NPAS4: variants seen among roughly 807,000 people sequenced by gnomAD.
The protein encoded by NPAS4 is neuronal PAS domain-containing protein 4.
NPAS4 carries 10 observed loss-of-function variants against 64.0 expected under a neutral mutation model. The ratio of observed to expected loss-of-function variants is 0.16; its 90% CI spans 0.10 to 0.26. The LOEUF (loss-of-function observed/expected upper bound fraction) is 0.26. Ranked by LOEUF, NPAS4 falls within the 10% of genes least tolerant of loss-of-function variation. The probability of loss-of-function intolerance (pLI) is 1.00; values close to 1 mark genes in which losing one functional copy is unlikely to be tolerated. For missense variants in NPAS4, 886 were observed against 992.6 expected (o/e 0.89, Z 1.44); for synonymous variants, 441 against 411.7 (o/e 1.07, Z -0.86).
chr11:66,424,239 C>A lies in NPAS4; in HGVS notation c.1349C>A (p.Thr450Asn). The A allele has an allele frequency of 6.2e-7, 1 of 1,614,140 alleles. No homozygotes were observed. The highest frequency in any genetic ancestry group is 8.5e-7 in the Non-Finnish European group (1 of 1,180,036). ...GAGCCCTTCCAGACCCATTTGCCCA[C>A]CCCATCCAGCACTCTTCAAGAACAG... is the stretch of plus-strand genomic sequence containing the variant. ...LHEPFQTHLP[T>N]PSSTLQEQLT... Residue 450 changes from threonine (T) to asparagine (N), a missense_variant, in exon 7 of 8, where the codon ACC (threonine) becomes AAC (asparagine). By Grantham distance (65) the Thr-to-Asn change is moderately conservative (BLOSUM62 0). Around this residue, in one of 3 missense-constraint regions of NPAS4, gnomAD observed 820 missense variants for 855.5 expected, o/e 0.96. Transcript: ENST00000311034.
At chr11:66,411,297 G>A in the NPAS4 span, among the ~76,000 whole-genome samples, 22 of 152,266 alleles carry the variant, frequency 1.4e-4, no homozygotes, top group South Asian at 4.4e-3. Flanking sequence ...GAGGTTGGGA[G>A]GGCCCTTTGA....
In NPAS4 at chr11:66,425,989, A is replaced by G; in HGVS notation, c.2409A>G (p.Ter803TrpextTer4). 6.2e-7 allele frequency: 1 copy of G among 1,611,226 alleles called. No homozygotes were observed. Among genetic ancestry groups the G allele is most frequent in the South Asian group, 1.1e-5 (1 of 91,008 alleles). ...GAAGTGGAGGGGAACCAACGTTTTGAATAAGTCTGTGACTTAACGTCGTCA... is the reference window on the plus strand; with the variant it reads ...GAAGTGGAGGGGAACCAACGTTTTGGATAAGTCTGTGACTTAACGTCGTCA... ...EDGSGGEPTF[*>W] Residue 803 changes from the stop codon to tryptophan, a stop_lost, in exon 8 of 8, where the codon TGA becomes TGG. Transcript: ENST00000311034.
intron 7 of NPAS4, 110 bp from the exon 8 acceptor site, chr11:66,425,851 T>C: frequency 3.7e-6 from 3 of 819,796 alleles, no homozygotes; most frequent in Admixed American, 1.8e-5. Flanking sequence ...CATTTCATCA[T>C]TGAGCCAATA....
At chr11:66,411,139 G>C in the NPAS4 span, among the ~76,000 whole-genome samples, 4 of 152,318 alleles carry the variant, frequency 2.6e-5, no homozygotes, top group African/African-American at 9.6e-5. Context: ...TGGTCCTCTG[G>C]GAGCCTTCAG....
upstream of NPAS4, among the ~76,000 whole-genome samples, chr11:66,416,569 A>G (rs2134635586): frequency 6.6e-6 from 1 of 152,304 alleles, no homozygotes; most frequent in South Asian, 2.1e-4. Context: ...TAAGTTAAGT[A>G]GTTGCAGCTG....
At position 66,426,643 on chromosome 11, in the gene NPAS4, A is replaced by G. The variant is rs1189208343; in HGVS notation, c.*654A>G. Reference sequence around the variant, plus strand: ...ACTGCCTGGGCCTGCCCAGATGGCCACCTCGTGGTGCTGCGGTGACTTTGT... The same window carrying G: ...ACTGCCTGGGCCTGCCCAGATGGCCGCCTCGTGGTGCTGCGGTGACTTTGT... On this transcript the variant is annotated 3_prime_UTR_variant, in exon 8 of 8. Transcript: ENST00000311034. 6.5e-6 allele frequency: 1 copy of G among 152,864 alleles called. No homozygotes were observed. Among genetic ancestry groups the G allele is most frequent in the Non-Finnish European group, 1.5e-5 (1 of 68,194 alleles). 9.5% of individuals were successfully genotyped at this position (152,864 alleles called of 1,614,324 possible).
chr11:66,414,342 G>A, the NPAS4 span, among the ~76,000 whole-genome samples: 1 of 152,120 alleles, frequency 6.6e-6, no homozygotes, highest in Non-Finnish European at 1.5e-5. Context: ...TTCCCCTCTT[G>A]GAATGTGGCT....
At chr11:66,412,366 C>T in the NPAS4 span, among the ~76,000 whole-genome samples, 1 of 152,186 alleles carries the variant, frequency 6.6e-6, no homozygotes, top group Non-Finnish European at 1.5e-5. Flanking sequence ...ACTTTATGTG[C>T]ATCCCTCCAC....
In NPAS4 at chr11:66,422,883, C is replaced by T. The variant is rs1856769999; in HGVS notation, c.640C>T (p.Leu214=). 2 of 1,611,210 alleles carry T rather than the reference C, an allele frequency of 1.2e-6. No homozygotes were observed. The highest frequency in any genetic ancestry group is 4.5e-5 in the East Asian group (2 of 44,888). ...TGGCCCTGGCCCTGCCTCGCTCTTCCTGGCCATGTTCCAGAGCCGCCATGC... is the reference window on the plus strand; with the variant it reads ...TGGCCCTGGCCCTGCCTCGCTCTTCTTGGCCATGTTCCAGAGCCGCCATGC... ...GPGPGPASLF[L]AMFQSRHAKD... is the part of the protein sequence containing the mutation. The change falls in exon 4 of 8, where the codon CTG becomes TTG. Residue 214 remains leucine, a synonymous_variant. Transcript: ENST00000311034.
upstream of NPAS4, among the ~76,000 whole-genome samples, chr11:66,416,443 G>C (rs1001413325): frequency 4.6e-5 from 7 of 152,230 alleles, no homozygotes; most frequent in African/African-American, 1.7e-4. Context: ...TTGAGAGAGT[G>C]ATATGGCTGC....
Position 66,423,665 on chromosome 11 carries a change from A to C in NPAS4, c.896A>C (p.Tyr299Ser). Residue 299 changes from tyrosine (Y) to serine (S), a missense_variant, in exon 6 of 8, where the codon TAC becomes TCC. Physicochemically the swap from Tyr to Ser is moderately radical, Grantham distance 144 (BLOSUM62 -2). Transcript: ENST00000311034. ...TGGGCATGGATTTACTGCCTGTTAT[A>C]CTCAGAAGGTCCAGAGGGACCCATT... ...GGWAWIYCLLYSEGPEGPITA... is the reference protein window; with the variant it reads ...GGWAWIYCLLSSEGPEGPITA... The C allele has an allele frequency of 6.2e-7, 1 of 1,614,170 alleles. No individual in the cohort carries two copies. The highest frequency in any genetic ancestry group is 8.5e-7 in the Non-Finnish European group (1 of 1,180,016).
In NPAS4 at chr11:66,421,273, G is replaced by T. The variant is rs779492328; in HGVS notation, c.94G>T (p.Ala32Ser). Residue 32 changes from alanine (A) to serine (S), a missense_variant, in exon 1 of 8, where the codon GCG (alanine) becomes TCG (serine). Around this residue, in one of 3 missense-constraint regions of NPAS4, gnomAD observed 38 missense variants for 80.1 expected, o/e 0.47. Coordinates refer to ENST00000311034, the MANE Select transcript of NPAS4 (RefSeq NM_178864.4). ...CAAGGAGCTGCTGCCGCTGGCCGAA[G>T]CGGACAAGGTCCGGCTGTCCTACCT... ...NLKELLPLAE[A>S]DKVRLSYLHI... is the part of the protein sequence containing the mutation. 1 of 1,614,124 alleles carries T rather than the reference G, an allele frequency of 6.2e-7. No homozygotes were observed.
chr11:66,425,721 G>A (rs1377913812), intron 7 of NPAS4, among the ~76,000 whole-genome samples: 1 of 152,144 alleles, frequency 6.6e-6, no homozygotes, highest in African/African-American at 2.4e-5. Flanking sequence ...GAAAGACGAG[G>A]CTCAGCCCCT....
At chr11:66,425,346 A>G (rs1856823277) in intron 7 of NPAS4, 76 bp downstream of exon 7, 5 of 769,164 alleles carry the variant, frequency 6.5e-6, no homozygotes, top group Non-Finnish European at 1.0e-5. Flanking sequence ...AGGCAAATCA[A>G]TTCCCCCTCT....
rs572000189 is a variant in NPAS4, at chr11:66,422,936, C to T, written c.693C>T (p.Ser231=). 183 of 1,604,130 alleles carry T rather than the reference C, an allele frequency of 1.1e-4. 1 individual carries two copies. The South Asian group carries it at 1.8e-3, about 15-fold the overall frequency. The stretch of plus-strand genomic sequence containing the variant: ...AAGACCTGGCTCTACTGGACATCTC[C>T]GAGAGGTAAGCCTGGAGTGTTCAGA... ...HAKDLALLDI[S]ESVLIYLGFE... The change falls in exon 4 of 8, where the codon TCC becomes TCT. Residue 231 remains serine, a synonymous_variant. Transcript: ENST00000311034.
chr11:66,414,471 C>A, the NPAS4 span, among the ~76,000 whole-genome samples: 1 of 152,148 alleles, frequency 6.6e-6, no homozygotes, highest in African/African-American at 2.4e-5. Context: ...TCTCCCACCC[C>A]CTCCATGGTT....
In NPAS4 at chr11:66,423,167, A is replaced by C; in HGVS notation, c.743A>C (p.Lys248Thr). 6.2e-7 allele frequency: 1 copy of C among 1,611,820 alleles called. No homozygotes were observed. The highest frequency in any genetic ancestry group is 8.5e-7 in the Non-Finnish European group (1 of 1,178,876). The change falls in exon 5 of 8, where the codon AAA becomes ACA. Residue 248 changes from lysine (K) to threonine (T), a missense_variant. Transcript: ENST00000311034. ...LGFERSELLC[K>T]SWYGLLHPED... ...TTTGAGCGCAGTGAACTGCTTTGTA[A>C]ATCATGGTATGGACTGCTGCACCCC...
upstream of NPAS4, chr11:66,420,990 C>A: frequency 3.5e-6 from 2 of 566,256 alleles, no homozygotes; most frequent in Non-Finnish European, 6.3e-6. Flanking sequence ...ACGAGCCCCC[C>A]ACGCCTGGCA....
rs1172916397 is a variant in NPAS4 at position 66,422,772 on chromosome 11, C to T, written c.529C>T (p.Pro177Ser). The T allele has an allele frequency of 6.2e-7, 1 of 1,614,210 alleles. No individual in the cohort carries two copies. Among genetic ancestry groups the T allele is most frequent in the African/African-American group, 1.3e-5 (1 of 75,066 alleles). ...VLIRGRFHAH[P>S]PGAYWAGNPV... ...TATTCGAGGCCGATTCCATGCTCAC[C>T]CACCTGGAGCCTACTGGGCAGGAAA... The change falls in exon 4 of 8, where the codon CCA (proline) becomes TCA (serine). Residue 177 changes from proline (P) to serine (S), a missense_variant. By Grantham distance (74) the Pro-to-Ser change is moderately conservative. Transcript: ENST00000311034.
Sources: gnomAD v4.1 joint callset for allele counts (sites outside exome capture counted in the v4.1 genomes callset) on GRCh38, gnomAD v4.1.1 for gene constraint, gnomAD v4.1.1 regional missense constraint, MANE v1.5 for transcripts, NCBI Gene and HGNC (gene_info 2026-07-23, HGNC 2026-07-21) for gene names.